The following COL3A1 variants were observed in gnomAD, a reference collection of about 807,000 sequenced individuals.
COL3A1 encodes the protein collagen alpha-1(III) chain.
Under a neutral mutation model 200.9 loss-of-function variants are expected in COL3A1, and 46 were observed. The observed-to-expected ratio is 0.23, with a 90% CI of 0.18 to 0.29. COL3A1 has a LOEUF of 0.29. COL3A1 is among the 10% of genes least tolerant of loss of function. COL3A1 has a pLI of 1.00. For synonymous variants in COL3A1, 650 were observed against 628.0 expected (o/e 1.03, Z -0.52); for missense variants, 1,367 against 1,917.6 (o/e 0.71, Z 5.36).
intron 35 of COL3A1, 131 bp downstream of exon 35, chr2:189,002,482 C>A (rs1287085018): frequency 6.4e-6 from 5 of 782,410 alleles, no homozygotes; most frequent in South Asian, 1.5e-5. Context: ...GATTATTGTA[C>A]CCCTATTTTG....
chr2:189,010,551 C>A, intron 49 of COL3A1, 97 bp from the exon 50 acceptor site: 1 of 1,526,502 alleles, frequency 6.6e-7, no homozygotes, highest in Non-Finnish European at 9.1e-7. Context: ...AATATATAAA[C>A]AGCCCATATT....
At position 189,006,326 on chromosome 2, in the gene COL3A1, C is replaced by A; in HGVS notation, c.3094-19C>A. The A allele has an allele frequency of 6.2e-7, 1 of 1,613,946 alleles. No individual in the cohort carries two copies. Among genetic ancestry groups the A allele is most frequent in the South Asian group, 1.1e-5 (1 of 91,076 alleles). Reference sequence around the variant, plus strand: ...AAGTGATCATCATGTTTATTTTGTACCTATGAATTTGTTCACAGGGTGATC... The same window carrying A: ...AAGTGATCATCATGTTTATTTTGTAACTATGAATTTGTTCACAGGGTGATC... On this transcript the variant is annotated intron_variant, in intron 42 of 50. Transcript: ENST00000304636.
intron 47 of COL3A1, 67 bp from the exon 48 acceptor site, chr2:189,008,857 A>G: frequency 6.8e-7 from 1 of 1,479,960 alleles, no homozygotes; most frequent in Non-Finnish European, 9.4e-7. Context: ...TTCTTGGACT[A>G]GCAATGTATT....
Position 188,999,586 on chromosome 2 carries a change from T to A in COL3A1, c.2229+9T>A, listed in dbSNP as rs1272966198. On this transcript the variant is annotated intron_variant, in intron 31 of 50. Coordinates refer to ENST00000304636, the MANE Select transcript of COL3A1 (RefSeq NM_000090.4). ...GTCCAAAGGGTGACAAGGTGTTGAC[T>A]TGTTTTCTCTTAATTGTTCAATAAA... The A allele has an allele frequency of 2.5e-6, 4 of 1,611,380 alleles. No homozygotes were observed. In the African/African-American group the frequency reaches 5.3e-5, roughly 22 times the overall value.
intron 1 of COL3A1, among the ~76,000 whole-genome samples, chr2:188,982,513 T>C (rs1687973536): frequency 6.6e-6 from 1 of 151,806 alleles, no homozygotes; most frequent in South Asian, 2.1e-4. Context: ...AAATAGGAAA[T>C]GTTTGAGCCT....
chr2:188,988,092 C>A lies in COL3A1; in HGVS notation c.540C>A (p.Gly180=), dbSNP rs1688100515. 1 of 1,612,298 alleles carries A rather than the reference C, an allele frequency of 6.2e-7. No homozygotes were observed. Among genetic ancestry groups the A allele is most frequent in the Non-Finnish European group, 8.5e-7 (1 of 1,178,590 alleles). The change falls in exon 6 of 51, where the codon GGC becomes GGA. Residue 180 remains glycine, a synonymous_variant. Transcript: ENST00000304636. ...AATTCACATTCCAGGGCCCCCCAGG[C>A]CCTCCCGGTCCCCCTGGTACATCTG... ...AGYPGPAGPP[G]PPGPPGTSGH...
At chr2:189,001,299 A>T in intron 32 of COL3A1, 98 bp from the exon 33 acceptor site, 1 of 1,155,100 alleles carries the variant, frequency 8.7e-7, no homozygotes, top group Non-Finnish European at 1.3e-6. Context: ...TATGTTATCT[A>T]GTTTATTAGG....
At chr2:188,980,909 A>C (rs1251081154) in intron 1 of COL3A1, among the ~76,000 whole-genome samples, 1 of 151,352 alleles carries the variant, frequency 6.6e-6, no homozygotes, top group Non-Finnish European at 1.5e-5. Context: ...TAATTTATAT[A>C]TCATATCTGT....
At chr2:188,995,231 A>G (rs1688280110) in intron 21 of COL3A1, 132 bp downstream of exon 21, 5 of 860,042 alleles carry the variant, frequency 5.8e-6, no homozygotes, top group Non-Finnish European at 9.2e-6. Flanking sequence ...TTCCTAATAT[A>G]ATGCATCCTC....
At position 188,974,523 on chromosome 2, in the gene COL3A1, C is replaced by T; in HGVS notation, c.34C>T (p.Leu12Phe). ...CTTTGTGCAAAAGGGGAGCTGGCTA[C>T]TTCTCGCTCTGCTTCATCCCACTAT... The part of the protein sequence containing the change: ...MSFVQKGSWL[L>F]LALLHPTIIL... The change falls in exon 1 of 51, where the codon CTT becomes TTT. Residue 12 changes from leucine to phenylalanine, a missense_variant. Physicochemically the swap from Leu to Phe is conservative, Grantham distance 22 (BLOSUM62 0). Transcript: ENST00000304636. 2 of 1,614,066 alleles carry T rather than the reference C, an allele frequency of 1.2e-6. No individual in the cohort carries two copies. The highest frequency in any genetic ancestry group is 1.7e-6 in the Non-Finnish European group (2 of 1,179,966).
chr2:188,997,293 T>C, intron 25 of COL3A1, 43 bp from the exon 26 acceptor site: 1 of 1,612,934 alleles, frequency 6.2e-7, no homozygotes, highest in South Asian at 1.1e-5. Context: ...CTTCTCTCTG[T>C]AATCTGTATT....
In COL3A1 at chr2:188,990,264, CTATTTGAAGGTTCATTAA is replaced by C. The variant is rs1064794407; in HGVS notation, c.745-37_745-20del. On this transcript the variant is annotated intron_variant, in intron 9 of 50. Coordinates refer to ENST00000304636, the MANE Select transcript of COL3A1 (RefSeq NM_000090.4). ...AGTGTTTTACTACTAGATTGTGATT[CTATTTGAAGGTTCATTAA>C]TATTTTTTCATTCATTATTTTTAGG... 1.9e-6 allele frequency: 3 copies of C among 1,592,120 alleles called. No individual in the cohort carries two copies. The highest frequency in any genetic ancestry group is 2.6e-6 in the Non-Finnish European group (3 of 1,161,456).
intron 35 of COL3A1, 27 bp downstream of exon 35, chr2:189,002,378 G>A: frequency 6.2e-7 from 1 of 1,602,556 alleles, no homozygotes; most frequent in East Asian, 2.2e-5. Flanking sequence ...ATACATACAT[G>A]TCCCATAGCC....
At chr2:189,010,594 C>T (rs935909052) in intron 49 of COL3A1, 54 bp from the exon 50 acceptor site, 23 of 1,611,376 alleles carry the variant, frequency 1.4e-5, no homozygotes, top group South Asian at 2.2e-5. Context: ...ATGAATCCCT[C>T]GCGTGCAGTT....
chr2:188,984,603 A>G (rs1468522089), intron 1 of COL3A1, among the ~76,000 whole-genome samples, 157 bp from the exon 2 acceptor site: 1 of 150,794 alleles, frequency 6.6e-6, no homozygotes, highest in Non-Finnish European at 1.5e-5. Flanking sequence ...CTACTTAGCA[A>G]ATTACATAGG....
Position 189,001,467 on chromosome 2 carries a change from C to T in COL3A1, c.2337+17C>T, listed in dbSNP as rs2153503236. On this transcript the variant is annotated intron_variant, in intron 33 of 50. Coordinates refer to ENST00000304636, the MANE Select transcript of COL3A1 (RefSeq NM_000090.4). ...GGAGATAAGGTAACCCTTAATACTA[C>T]CTGGATATAAAAAGAAAATGTCTCT... 6.2e-7 allele frequency: 1 copy of T among 1,614,010 alleles called. No individual in the cohort carries two copies. The highest frequency in any genetic ancestry group is 8.5e-7 in the Non-Finnish European group (1 of 1,179,914).
In COL3A1 at chr2:189,005,229, T is replaced by G. The variant is rs1323209272; in HGVS notation, c.2932-121T>G. 3 of 961,562 alleles carry G rather than the reference T, an allele frequency of 3.1e-6. No individual in the cohort carries two copies. The East Asian group carries it at 8.0e-5, about 26-fold the overall frequency. The allele number at this position is 961,562 out of a possible 1,614,324, so 59.6% of individuals were successfully genotyped here. Reference sequence around the variant, plus strand: ...TCCCATAGCAGGCATAGTTTTAATTTTAAAATTCAATGAAGATTAAATAAA... The same window carrying G: ...TCCCATAGCAGGCATAGTTTTAATTGTAAAATTCAATGAAGATTAAATAAA... On this transcript the variant is annotated intron_variant, in intron 40 of 50. Transcript: ENST00000304636.
intron 15 of COL3A1, 74 bp from the exon 16 acceptor site, chr2:188,993,287 C>T (rs1314412586): frequency 7.9e-7 from 1 of 1,261,510 alleles, no homozygotes; most frequent in East Asian, 2.5e-5. Flanking sequence ...TGTGTTTAAA[C>T]AGGACTGAAG....
chr2:189,004,536 A>G (rs1211343711), intron 40 of COL3A1, among the ~76,000 whole-genome samples, 172 bp downstream of exon 40: 1 of 152,216 alleles, frequency 6.6e-6, no homozygotes, highest in Non-Finnish European at 1.5e-5. Context: ...TGGCTCCAGA[A>G]CACAAAACAG....
Sources: allele counts gnomAD v4.1 joint callset (sites outside exome capture counted in the v4.1 genomes callset), GRCh38; gene constraint gnomAD v4.1.1; transcripts MANE v1.5; gene names NCBI Gene and HGNC (gene_info 2026-07-23, HGNC 2026-07-21).